ACBD6: variants seen among roughly 807,000 people sequenced by gnomAD.
The protein encoded by ACBD6 is acyl-CoA binding domain containing 6.
In ACBD6, 28 loss-of-function variants were observed where a neutral mutation model predicts 37.2. The observed-to-expected ratio is 0.75, with a 90% CI of 0.56 to 1.03. ACBD6 has a LOEUF of 1.03. Ranked by LOEUF, ACBD6 falls within the 50% of genes least tolerant of loss-of-function variation. The probability of loss-of-function intolerance (pLI) is 0.00; values close to 1 mark genes in which losing one functional copy is unlikely to be tolerated. For synonymous variants in ACBD6, 113 were observed against 126.8 expected, an observed-to-expected ratio of 0.89 and a Z score of 0.73; for missense variants, 340 against 337.4, an observed-to-expected ratio of 1.01 and a Z score of -0.06.
rs771593409 is a variant in ACBD6 at position 180,443,304 on chromosome 1, G to T, written c.385-13042C>A. Among the ~76,000 whole-genome samples the T allele has an allele frequency of 3.2e-4, 48 of 152,200 alleles. 1 individual carries two copies. The highest frequency in any genetic ancestry group is 5.1e-4 in the Non-Finnish European group (35 of 68,002). On this transcript the variant is annotated intron_variant, in intron 3 of 7. Transcript: ENST00000367595. ...TACATTTTCATTCTACTCCTGACTG[G>T]TAGGAAACAAAATATTCTCAGTCCT...
At chr1:180,333,094 A>G (rs1651550539) in intron 6 of ACBD6, among the ~76,000 whole-genome samples, 1 of 152,224 alleles carries the variant, frequency 6.6e-6, no homozygotes, top group African/African-American at 2.4e-5. Context: ...TATTTACCAT[A>G]TTAGAAATTA....
intron 3 of ACBD6, among the ~76,000 whole-genome samples, chr1:180,459,148 G>A (rs1205093694): frequency 6.6e-6 from 1 of 152,142 alleles, no homozygotes; most frequent in Non-Finnish European, 1.5e-5. Context: ...CAATCTGGTA[G>A]TCTAACAGAT....
intron 7 of ACBD6, among the ~76,000 whole-genome samples, chr1:180,312,026 C>T (rs1162179880): frequency 6.6e-6 from 1 of 152,156 alleles, no homozygotes; most frequent in East Asian, 1.9e-4. Flanking sequence ...ACAAGTCCTT[C>T]TTTCTTGTTT....
At chr1:180,425,105 C>T (rs901852619) in intron 4 of ACBD6, among the ~76,000 whole-genome samples, 3 of 152,208 alleles carry the variant, frequency 2.0e-5, no homozygotes, top group African/African-American at 7.2e-5. Context: ...TCCAGCCACC[C>T]ATGGCTTTTA....
At chr1:180,478,583 G>A (rs1650893343) in intron 3 of ACBD6, among the ~76,000 whole-genome samples, 1 of 151,550 alleles carries the variant, frequency 6.6e-6, no homozygotes, top group South Asian at 2.1e-4. Flanking sequence ...CTGCCTCCCA[G>A]GTTCAAGCAA....
At chr1:180,421,016 A>G (rs1557862562) in intron 4 of ACBD6, among the ~76,000 whole-genome samples, 1 of 150,798 alleles carries the variant, frequency 6.6e-6, no homozygotes, top group African/African-American at 2.4e-5. Flanking sequence ...CTCCTCAATG[A>G]TTTTTTTTTC....
chr1:180,413,608 T>C (rs1267977706), intron 4 of ACBD6, 137 bp from the exon 5 acceptor site: 1 of 650,540 alleles, frequency 1.5e-6, no homozygotes, highest in African/African-American at 1.8e-5. Context: ...ACAGTAACAG[T>C]TTTTCAGTAG....
At chr1:180,394,672 G>T (rs1654197594) in intron 6 of ACBD6, among the ~76,000 whole-genome samples, 1 of 152,108 alleles carries the variant, frequency 6.6e-6, no homozygotes, top group South Asian at 2.1e-4. Context: ...TAAAAGAATT[G>T]AGACTATGGT....
chr1:180,487,854 G>C (rs1444198905), intron 3 of ACBD6, among the ~76,000 whole-genome samples: 1 of 152,046 alleles, frequency 6.6e-6, no homozygotes, highest in Non-Finnish European at 1.5e-5. Context: ...CAGTATAGAA[G>C]ACAAAAACAT....
intron 6 of ACBD6, among the ~76,000 whole-genome samples, chr1:180,364,287 T>C (rs1451412166): frequency 1.3e-5 from 2 of 152,218 alleles, no homozygotes; most frequent in East Asian, 3.8e-4. Flanking sequence ...GTCACATCTA[T>C]TAAGTTACAG....
chr1:180,411,499 T>G (rs567464781), intron 5 of ACBD6, among the ~76,000 whole-genome samples: 7 of 152,330 alleles, frequency 4.6e-5, no homozygotes, highest in Middle Eastern at 3.4e-3. Context: ...CCATCAACAC[T>G]GAGGCAAGAC....
intron 4 of ACBD6, among the ~76,000 whole-genome samples, chr1:180,425,380 C>T (rs904199217): frequency 6.6e-6 from 1 of 152,202 alleles, no homozygotes; most frequent in Non-Finnish European, 1.5e-5. Context: ...CAGAATTTAA[C>T]AAGACATATG....
chr1:180,315,798 C>T (rs1650776600), intron 6 of ACBD6, among the ~76,000 whole-genome samples: 1 of 152,014 alleles, frequency 6.6e-6, no homozygotes, highest in Non-Finnish European at 1.5e-5. Flanking sequence ...TGTTTTCCTA[C>T]TGTGGAATGA....
chr1:180,340,492 A>G (rs1423867512), intron 6 of ACBD6, among the ~76,000 whole-genome samples: 2 of 152,134 alleles, frequency 1.3e-5, no homozygotes, highest in Non-Finnish European at 2.9e-5. Flanking sequence ...GAATTAGAGT[A>G]TAAAGAACTC....
At chr1:180,298,657 C>T (rs1384111431) in intron 7 of ACBD6, among the ~76,000 whole-genome samples, 1 of 152,126 alleles carries the variant, frequency 6.6e-6, no homozygotes, top group Non-Finnish European at 1.5e-5. Flanking sequence ...CCTAACTTGA[C>T]AGATGTGAAT....
downstream of ACBD6, among the ~76,000 whole-genome samples, chr1:180,285,835 C>G (rs1431100785): frequency 6.6e-6 from 1 of 151,860 alleles, no homozygotes; most frequent in East Asian, 1.9e-4. Context: ...ATACTAGATA[C>G]AATTCCAGAT....
Position 180,402,713 on chromosome 1 carries a change from C to T in ACBD6, c.574-5108G>A, listed in dbSNP as rs143547893. Among the ~76,000 whole-genome samples, 898 of 151,808 alleles carry T rather than the reference C, an allele frequency of 5.9e-3. 5 individuals are homozygous for T. Among genetic ancestry groups the T allele is most frequent in the Non-Finnish European group, 7.0e-3 (473 of 67,948 alleles). ...GAGGCTCGGCTCAACAGGAGAATCA[C>T]TTAAGCCCATGAAGTCATGGCTGCA... On this transcript the variant is annotated intron_variant, in intron 5 of 7. Coordinates refer to ENST00000367595, the MANE Select transcript of ACBD6 (RefSeq NM_032360.4).
chr1:180,373,365 C>T (rs1269483105), intron 6 of ACBD6, among the ~76,000 whole-genome samples: 2 of 152,050 alleles, frequency 1.3e-5, no homozygotes, highest in Non-Finnish European at 2.9e-5. Flanking sequence ...CAGTCATTTG[C>T]AAAAATGTAA....
intron 3 of ACBD6, among the ~76,000 whole-genome samples, chr1:180,457,166 G>A (rs1439727983): frequency 3.9e-5 from 6 of 152,046 alleles, no homozygotes; most frequent in Admixed American, 2.0e-4. Context: ...GAGCATGTAG[G>A]GGCAAGAGAT....
Sources: gnomAD v4.1 joint callset for allele counts (sites outside exome capture counted in the v4.1 genomes callset) on GRCh38, gnomAD v4.1.1 for gene constraint, MANE v1.5 for transcripts, NCBI Gene and HGNC (gene_info 2026-07-23, HGNC 2026-07-21) for gene names.